SUGCT: variants seen among roughly 807,000 people sequenced by gnomAD.
SUGCT encodes the protein succinyl-CoA:glutarate CoA-transferase.
In SUGCT, 41 loss-of-function variants were observed where a neutral mutation model predicts 55.0. The ratio of observed to expected loss-of-function variants is 0.74; its 90% confidence interval spans 0.58 to 0.97. The LOEUF (loss-of-function observed/expected upper bound fraction) is 0.97, where lower values mean the gene tolerates loss of function less well. SUGCT is among the 50% of genes least tolerant of loss of function. The pLI, the probability that SUGCT is intolerant of heterozygous loss-of-function variation, is 0.00. For synonymous variants in SUGCT, 187 were observed against 200.4 expected (o/e 0.93, Z 0.56); for missense variants, 568 against 547.8 (o/e 1.04, Z -0.37).
chr7:40,928,156 T>C, the SUGCT span, among the ~76,000 whole-genome samples: 1 of 152,036 alleles, frequency 6.6e-6, no homozygotes, highest in Non-Finnish European at 1.5e-5. Flanking sequence ...CTTAATTTTA[T>C]TTAACTTCCT....
At chr7:40,794,922 A>G (rs1225277199) in intron 13 of SUGCT, among the ~76,000 whole-genome samples, 1 of 152,132 alleles carries the variant, frequency 6.6e-6, no homozygotes, top group African/African-American at 2.4e-5. Context: ...ATTTTGAGCA[A>G]TCAGATAATA....
At chr7:40,583,009 A>C (rs1316193120) in intron 12 of SUGCT, among the ~76,000 whole-genome samples, 1 of 152,180 alleles carries the variant, frequency 6.6e-6, no homozygotes, top group Non-Finnish European at 1.5e-5. Flanking sequence ...AAATCAGCGT[A>C]ATAGCAAAAA....
chr7:40,162,967 AGCCCAATCTCAGTTGCT>A (rs1191323082), intron 1 of SUGCT, among the ~76,000 whole-genome samples: 10 of 152,240 alleles, frequency 6.6e-5, no homozygotes, highest in Non-Finnish European at 1.3e-4. Context: ...AGTACAAATT[AGCCCAATCTCAGTTGCT>A]CAATACAATA....
chr7:40,484,722 A>C (rs899490050), intron 11 of SUGCT, among the ~76,000 whole-genome samples: 6 of 152,158 alleles, frequency 3.9e-5, no homozygotes, highest in South Asian at 2.1e-4. Flanking sequence ...TGCCTGGTAC[A>C]TAAAAGGCTT....
chr7:40,466,572 T>C (rs1426895764), intron 11 of SUGCT, among the ~76,000 whole-genome samples: 1 of 152,240 alleles, frequency 6.6e-6, no homozygotes, highest in African/African-American at 2.4e-5. Context: ...TGGCAGAGAA[T>C]ATATCCTTTG....
At chr7:40,308,786 G>A (rs951840044) in intron 8 of SUGCT, among the ~76,000 whole-genome samples, 15 of 152,180 alleles carry the variant, frequency 9.9e-5, no homozygotes, top group African/African-American at 3.4e-4. Context: ...CAGGCAGGTG[G>A]ATCACTTGAG....
intron 12 of SUGCT, among the ~76,000 whole-genome samples, chr7:40,498,594 G>T (rs973023827): frequency 1.3e-5 from 2 of 152,132 alleles, no homozygotes; most frequent in Non-Finnish European, 2.9e-5. Flanking sequence ...TAACATAATG[G>T]TTAAGACCAT....
At chr7:41,019,063 G>A in the SUGCT span, among the ~76,000 whole-genome samples, 56,815 of 151,594 alleles carry the variant, frequency 0.37, 11,111 homozygotes, top group Non-Finnish European at 0.44. Context: ...CTGCCACCAT[G>A]CCCAGCTAAT....
chr7:40,182,648 T>C (rs1279671091), intron 3 of SUGCT, among the ~76,000 whole-genome samples: 1 of 152,096 alleles, frequency 6.6e-6, no homozygotes, highest in African/African-American at 2.4e-5. Context: ...CGGGGCAAAG[T>C]TCTCAATGCT....
the SUGCT span, among the ~76,000 whole-genome samples, chr7:41,036,497 G>A: frequency 3.9e-5 from 6 of 152,102 alleles, no homozygotes; most frequent in Non-Finnish European, 8.8e-5. Flanking sequence ...GACACTGTTC[G>A]TTCCTTAAGA....
chr7:40,312,722 A>G (rs1207328256), intron 8 of SUGCT, among the ~76,000 whole-genome samples: 1 of 152,160 alleles, frequency 6.6e-6, no homozygotes, highest in East Asian at 1.9e-4. Flanking sequence ...ATTGGGGCTT[A>G]ATGGAAAAGA....
At chr7:40,453,271 T>G (rs766792276) in intron 10 of SUGCT, among the ~76,000 whole-genome samples, 44 of 151,782 alleles carry the variant, frequency 2.9e-4, no homozygotes, top group Non-Finnish European at 5.4e-4. Context: ...AAGAAAGGAG[T>G]GAATCTCCTT....
intron 8 of SUGCT, among the ~76,000 whole-genome samples, chr7:40,306,755 TACTC>T (rs1392712223): frequency 6.6e-6 from 1 of 152,232 alleles, no homozygotes; most frequent in Non-Finnish European, 1.5e-5. Context: ...CATTTCCACT[TACTC>T]ATCACATTTT....
intron 6 of SUGCT, among the ~76,000 whole-genome samples, chr7:40,229,755 A>C (rs1788609026): frequency 6.7e-6 from 1 of 149,762 alleles, no homozygotes; most frequent in Admixed American, 6.7e-5. Context: ...TGGAAGCTGC[A>C]GTGAGCCGAG....
chr7:40,931,509 CTT>C, the SUGCT span, among the ~76,000 whole-genome samples: 1 of 152,172 alleles, frequency 6.6e-6, no homozygotes, highest in Non-Finnish European at 1.5e-5. Context: ...ACCATCTCCT[CTT>C]TGTAGTTTTG....
intron 12 of SUGCT, among the ~76,000 whole-genome samples, chr7:40,580,288 A>G (rs189440869): frequency 7.2e-5 from 11 of 152,214 alleles, no homozygotes; most frequent in African/African-American, 1.7e-4. Context: ...CAATTAGTCT[A>G]TCTCTTTCAT....
At chr7:40,858,866 A>T (rs566808112) in intron 13 of SUGCT, among the ~76,000 whole-genome samples, 1 of 152,244 alleles carries the variant, frequency 6.6e-6, no homozygotes, top group Non-Finnish European at 1.5e-5. Flanking sequence ...TCTGTAGTGG[A>T]TTAGATGTGT....
chr7:40,906,274 C>T, the SUGCT span, among the ~76,000 whole-genome samples: 1 of 152,100 alleles, frequency 6.6e-6, no homozygotes, highest in Non-Finnish European at 1.5e-5. Flanking sequence ...CTCAGGTGAT[C>T]CTGTACTCTG....
intron 7 of SUGCT, among the ~76,000 whole-genome samples, chr7:40,265,984 A>G (rs1293024479): frequency 6.6e-6 from 1 of 151,992 alleles, no homozygotes; most frequent in East Asian, 1.9e-4. Flanking sequence ...CACAAACAAA[A>G]AACAAAAACC....
Sources: gnomAD v4.1 joint callset for allele counts (sites outside exome capture counted in the v4.1 genomes callset) on GRCh38, gnomAD v4.1.1 for gene constraint, MANE v1.5 for transcripts, NCBI Gene and HGNC (gene_info 2026-07-23, HGNC 2026-07-21) for gene names.